The following TTN variants were observed in gnomAD, a reference collection of about 807,000 sequenced individuals.
TTN encodes the protein titin, also known as connectin.
TTN carries 1,525 observed loss-of-function variants against 3,223.0 expected under a neutral mutation model. That is an observed-to-expected ratio of 0.47 (90% CI 0.45 to 0.49). The LOEUF is 0.49. Among genes scored for constraint, TTN ranks in the 20% least tolerant of loss-of-function variants. The probability of loss-of-function intolerance (pLI) is 0.00; values close to 1 mark genes in which losing one functional copy is unlikely to be tolerated. For missense variants in TTN, 40,786 were observed against 43,424.0 expected, an observed-to-expected ratio of 0.94 and a Z score of 5.40; for synonymous variants, 14,094 against 15,161.0, an observed-to-expected ratio of 0.93 and a Z score of 5.17.
Position 178,535,363 on chromosome 2 carries a change from T to C in TTN, c.101252A>G (p.Asn33751Ser), listed in dbSNP as rs1475672598. 1 of 1,613,950 alleles carries C rather than the reference T, an allele frequency of 6.2e-7. No individual in the cohort carries two copies. Among genetic ancestry groups the C allele is most frequent in the Non-Finnish European group, 8.5e-7 (1 of 1,179,860 alleles). Reference protein sequence around the residue: ...QARETRYTVINLFGKTSYQFR... With the variant: ...QARETRYTVISLFGKTSYQFR... ...CTGGTAACTTGTTTTTCCAAATAAGTTGATCACGGTATAACGTGTTTCTCG... is the reference window on the plus strand; with the variant it reads ...CTGGTAACTTGTTTTTCCAAATAAGCTGATCACGGTATAACGTGTTTCTCG... The change falls in exon 358 of 363, where the codon AAC becomes AGC. Residue 33751 changes from asparagine to serine, a missense_variant. By Grantham distance (46) the Asn-to-Ser change is conservative. Transcript: ENST00000589042.
chr2:178,606,496 T>C (rs1257827485), intron 278 of TTN, among the ~76,000 whole-genome samples: 2 of 151,942 alleles, frequency 1.3e-5, no homozygotes, highest in Non-Finnish European at 2.9e-5. Flanking sequence ...GTGTGCAATT[T>C]TAGTGTTTCG....
chr2:178,652,088 A>C lies in TTN; in HGVS notation c.39295+8T>G. 2.5e-6 allele frequency: 4 copies of C among 1,613,406 alleles called. No homozygotes were observed. Among genetic ancestry groups the C allele is most frequent in the Non-Finnish European group, 3.4e-6 (4 of 1,179,672 alleles). On this transcript the variant is annotated splice_region_variant and intron_variant, in intron 204 of 362. Transcript: ENST00000589042. ...AAAAAACACTAATTTGAATAGTTTC[A>C]TTATTACCTTCAGGGGGAGGACTTT...
Position 178,800,624 on chromosome 2 carries a change from T to C in TTN, c.354A>G (p.Gly118=). 1 of 1,612,828 alleles carries C rather than the reference T, an allele frequency of 6.2e-7. No individual in the cohort carries two copies. The highest frequency in any genetic ancestry group is 8.5e-7 in the Non-Finnish European group (1 of 1,179,124). The change falls in exon 4 of 363, where the codon GGA becomes GGG. Residue 118 remains glycine (G), a synonymous_variant. Coordinates refer to ENST00000589042, the MANE Select transcript of TTN (RefSeq NM_001267550.2). ...CTCTCACTTGGAGTCTCACTTGGCT[T>C]CCTTGTCTCACGGTCATGCTCTGCA... is the stretch of plus-strand genomic sequence containing the variant. ...QRLQSMTVRQ[G]SQVRLQVRVT...
At position 178,531,711 on chromosome 2, in the gene TTN, C is replaced by G. The variant is rs1274496471; in HGVS notation, c.104904G>C (p.Lys34968Asn). The G allele has an allele frequency of 2.5e-6, 4 of 1,613,986 alleles. No individual in the cohort carries two copies. Among genetic ancestry groups the G allele is most frequent in the Non-Finnish European group, 3.4e-6 (4 of 1,179,884 alleles). ...NTRFILNVQS[K>N]PTAEVKWYHN... ...GGTACCATTTAACCTCGGCAGTTGG[C>G]TTAGACTGAACATTTAAAATAAAAC... Residue 34968 changes from lysine (K) to asparagine (N), a missense_variant, in exon 358 of 363, where the codon AAG becomes AAC. Coordinates refer to ENST00000589042, the MANE Select transcript of TTN (RefSeq NM_001267550.2).
Position 178,661,748 on chromosome 2 carries a change from G to A in TTN, c.37285+11C>T. On this transcript the variant is annotated intron_variant, in intron 180 of 362. Coordinates refer to ENST00000589042, the MANE Select transcript of TTN (RefSeq NM_001267550.2). The stretch of plus-strand genomic sequence containing the variant: ...ATAGATCATCTGAAGCCTAAAATCA[G>A]TGACAAATACCTTTAACAGGTGGGA... 6.2e-7 allele frequency: 1 copy of A among 1,603,216 alleles called. No homozygotes were observed. Among genetic ancestry groups the A allele is most frequent in the Non-Finnish European group, 8.5e-7 (1 of 1,177,016 alleles).
At chr2:178,679,500 G>A in intron 141 of TTN, 84 bp from the exon 142 acceptor site, 11 of 1,583,970 alleles carry the variant, frequency 6.9e-6, no homozygotes, top group Admixed American at 1.8e-5. Context: ...TTTTAACAAC[G>A]GACAGTGACA....
chr2:178,779,700 C>T lies in TTN; in HGVS notation c.3730-238G>A, dbSNP rs6709235. On this transcript the variant is annotated intron_variant, in intron 22 of 362. Transcript: ENST00000589042. ...AGATTTGGGTTAGAGGTTACATTAG[C>T]TTATCACACAGATGAAGAGATCTTG... The T allele has an allele frequency of 8.6e-3, 4,611 of 534,812 alleles. 164 individuals carry two copies. The highest frequency in any genetic ancestry group is 0.079 in the African/African-American group (4,147 of 52,748). The allele number at this position is 534,812 out of a possible 1,614,324, so 33.1% of individuals were successfully genotyped here. A position where few individuals can be genotyped will look rare whatever the true frequency, so the allele number is the denominator to read the frequency against.
chr2:178,758,910 T>C (rs2088157198), intron 44 of TTN, 74 bp downstream of exon 44: 3 of 1,415,590 alleles, frequency 2.1e-6, no homozygotes, highest in Middle Eastern at 1.8e-4. Context: ...ACATGAACTC[T>C]TGAGTAATTG....
rs1241209199 is a variant in TTN, at chr2:178,650,230, C to T, written c.39751G>A (p.Ala13251Thr). The T allele has an allele frequency of 6.4e-7, 1 of 1,555,424 alleles. No individual in the cohort carries two copies. Among genetic ancestry groups the T allele is most frequent in the African/African-American group, 1.5e-5 (1 of 64,932 alleles). ...PEEIAPEEEI[A>T]PEEEKPVPVA... ...GGAACTGGCTTTTCCTCTTCAGGAG[C>T]AATTTCCTCTTCAGGAGCAATTTCC... Residue 13251 changes from alanine to threonine, a missense_variant, in exon 210 of 363, where the codon GCT (alanine) becomes ACT (threonine). Physicochemically the swap from Ala to Thr is moderately conservative, Grantham distance 58. Coordinates refer to ENST00000589042, the MANE Select transcript of TTN (RefSeq NM_001267550.2).
At position 178,574,785 on chromosome 2, in the gene TTN, G is replaced by A. The variant is rs754516257; in HGVS notation, c.71347C>T (p.Arg23783Cys). ...AGGCGGGTGGCTTTATAGGTAGTAC[G>A]TATAACGGTGGTTGCTAACTCAACC... is the stretch of plus-strand genomic sequence containing the variant. The part of the protein sequence containing the change: ...TWVELATTVI[R>C]TTYKATRLTT... Residue 23783 changes from arginine to cysteine, a missense_variant, in exon 326 of 363, where the codon CGT becomes TGT. By Grantham distance (180) the Arg-to-Cys change is radical (BLOSUM62 -3). Transcript: ENST00000589042. 3.7e-6 allele frequency: 6 copies of A among 1,612,084 alleles called. No individual in the cohort carries two copies. Among genetic ancestry groups the A allele is most frequent in the East Asian group, 2.2e-5 (1 of 44,698 alleles).
Position 178,650,230 on chromosome 2 carries a change from C to A in TTN, c.39751G>T (p.Ala13251Ser). 1 of 1,555,524 alleles carries A rather than the reference C, an allele frequency of 6.4e-7. No homozygotes were observed. Among genetic ancestry groups the A allele is most frequent in the Non-Finnish European group, 8.7e-7 (1 of 1,149,364 alleles). Residue 13251 changes from alanine (A) to serine (S), a missense_variant, in exon 210 of 363, where the codon GCT (alanine) becomes TCT (serine). Physicochemically the swap from Ala to Ser is moderately conservative, Grantham distance 99. Coordinates refer to ENST00000589042, the MANE Select transcript of TTN (RefSeq NM_001267550.2). ...PEEIAPEEEIAPEEEKPVPVA... is the reference protein window; with the variant it reads ...PEEIAPEEEISPEEEKPVPVA... ...GGAACTGGCTTTTCCTCTTCAGGAG[C>A]AATTTCCTCTTCAGGAGCAATTTCC...
intron 47 of TTN, chr2:178,746,420 T>G: frequency 2.5e-6 from 4 of 1,610,534 alleles, no homozygotes; most frequent in Non-Finnish European, 3.4e-6. Flanking sequence ...TATTTTCACC[T>G]GCTTCTCAAA....
rs753392761 is a variant in TTN, at chr2:178,532,891, C to T, written c.103724G>A (p.Arg34575His). The change falls in exon 358 of 363, where the codon CGT becomes CAT. Residue 34575 changes from arginine (R) to histidine (H), a missense_variant. Physicochemically the swap from Arg to His is conservative, Grantham distance 29 (BLOSUM62 0). Transcript: ENST00000589042. ...TTTCCCAGGCATTTCATACTGATCA[C>T]GTATCTTTTTATACCACTTCATGTC... Reference protein sequence around the residue: ...MSDMKWYKKIRDQYEMPGKLD... With the variant: ...MSDMKWYKKIHDQYEMPGKLD... 34 of 1,613,818 alleles carry T rather than the reference C, an allele frequency of 2.1e-5. No homozygotes were observed. Among genetic ancestry groups the T allele is most frequent in the East Asian group, 6.7e-5 (3 of 44,890 alleles).
Position 178,605,262 on chromosome 2 carries a change from C to T in TTN, c.53915G>A (p.Arg17972Gln), listed in dbSNP as rs377169251. 1.1e-5 allele frequency: 17 copies of T among 1,600,274 alleles called. No individual in the cohort carries two copies. Among genetic ancestry groups the T allele is most frequent in the East Asian group, 4.5e-5 (2 of 44,356 alleles). Residue 17972 changes from arginine (R) to glutamine (Q), a missense_variant, in exon 280 of 363, where the codon CGA (arginine) becomes CAA (glutamine). Coordinates refer to ENST00000589042, the MANE Select transcript of TTN (RefSeq NM_001267550.2). Reference sequence around the variant, plus strand: ...TGCCTTAACTTTGATAGTGTCTCCTCGAACACTCAGACGCAACTTAATAGT... The same window carrying T: ...TGCCTTAACTTTGATAGTGTCTCCTTGAACACTCAGACGCAACTTAATAGT... ...PPTIKLRLSV[R>Q]GDTIKVKAGE...
intron 17 of TTN, 141 bp from the exon 18 acceptor site, chr2:178,783,205 T>C (rs1011757034): frequency 8.8e-5 from 69 of 786,272 alleles, no homozygotes; most frequent in Non-Finnish European, 3.7e-5. Context: ...GAAATAGTAG[T>C]AGAGAAACTA....
rs1003976419 is a variant in TTN at position 178,624,386 on chromosome 2, C to G, written c.44815+79G>C. 28 of 1,585,798 alleles carry G rather than the reference C, an allele frequency of 1.8e-5. No individual in the cohort carries two copies. In the Admixed American group the frequency reaches 3.1e-4, roughly 18 times the overall value. ...ATGCAGTTAGGCCAAGAAGGGCATG[C>G]AAAAAGTGTTGTGTTGTTTTGTTGT... On this transcript the variant is annotated intron_variant, in intron 242 of 362. Transcript: ENST00000589042.
rs1400216463 is a variant in TTN, at chr2:178,552,021, A to G, written c.90879T>C (p.Ala30293=). 2 of 1,613,310 alleles carry G rather than the reference A, an allele frequency of 1.2e-6. No individual in the cohort carries two copies. The highest frequency in any genetic ancestry group is 1.7e-5 in the Admixed American group (1 of 59,986). Residue 30293 remains alanine, a synonymous_variant, in exon 335 of 363, where the codon GCT becomes GCC. Transcript: ENST00000589042. The part of the protein sequence containing the change: ...TFKVPNLVKD[A]EYQFRVRAEN... ...CTGCTCTCACTCTAAACTGGTACTC[A>G]GCATCTTTGACTAGATTAGGAACTT... is the stretch of plus-strand genomic sequence containing the variant.
chr2:178,634,632 G>A lies in TTN; in HGVS notation c.42152-3C>T. On this transcript the variant is annotated splice_polypyrimidine_tract_variant and splice_region_variant and intron_variant, in intron 229 of 362. Coordinates refer to ENST00000589042, the MANE Select transcript of TTN (RefSeq NM_001267550.2). This position sits in a 1 kb window ranked among gnomAD's most constrained non-coding sequence, Gnocchi z 4.6. ...CACAGCAAAGTCAAGTTCGATTTCTGAAAATCAGACATTAAGAATGAGGCT... is the reference window on the plus strand; with the variant it reads ...CACAGCAAAGTCAAGTTCGATTTCTAAAAATCAGACATTAAGAATGAGGCT... The A allele has an allele frequency of 6.2e-7, 1 of 1,612,756 alleles. No individual in the cohort carries two copies. Among genetic ancestry groups the A allele is most frequent in the East Asian group, 2.2e-5 (1 of 44,806 alleles).
rs794729486 is a variant in TTN at position 178,575,850 on chromosome 2, C to A, written c.70282G>T (p.Val23428Leu). The A allele has an allele frequency of 1.9e-6, 3 of 1,613,456 alleles. No individual in the cohort carries two copies. The highest frequency in any genetic ancestry group is 2.5e-6 in the Non-Finnish European group (3 of 1,179,618). ...GGCGTGTCCAAGACTCTGACGTTCACAAAGCCACTTTTCTTCCCAGCCGGG... is the reference window on the plus strand; with the variant it reads ...GGCGTGTCCAAGACTCTGACGTTCAAAAAGCCACTTTTCTTCCCAGCCGGG... ...ENPAGKKSGF[V>L]NVRVLDTPGP... The change falls in exon 326 of 363, where the codon GTG (valine) becomes TTG (leucine). Residue 23428 changes from valine to leucine, a missense_variant. By Grantham distance (32) the Val-to-Leu change is conservative (BLOSUM62 1). Transcript: ENST00000589042. The surrounding 1 kb of genome is among the most constrained non-coding windows in gnomAD (Gnocchi z 4.0).
Sources: allele counts gnomAD v4.1 joint callset (sites outside exome capture counted in the v4.1 genomes callset), GRCh38; gene constraint gnomAD v4.1.1; non-coding constraint Gnocchi (gnomAD v3.1); transcripts MANE v1.5; gene names NCBI Gene and HGNC (gene_info 2026-07-23, HGNC 2026-07-21).